The following PDE4A variants were observed in gnomAD, a reference collection of about 807,000 sequenced individuals.
PDE4A encodes 3',5'-cyclic-AMP phosphodiesterase 4A.
PDE4A carries 21 observed loss-of-function variants against 73.9 expected under a neutral mutation model. The observed-to-expected ratio is 0.28, with a 90% confidence interval of 0.20 to 0.41. PDE4A has a LOEUF of 0.41. PDE4A is among the 10% of genes least tolerant of loss of function. PDE4A has a pLI of 1.00. For missense variants in PDE4A, 958 were observed against 1,211.4 expected, an observed-to-expected ratio of 0.79 and a Z score of 3.10; for synonymous variants, 463 against 505.4, an observed-to-expected ratio of 0.92 and a Z score of 1.13.
At chr19:10,461,832 G>A (rs199805319) in intron 12 of PDE4A, 45 bp from the exon 13 acceptor site, 2 of 1,600,042 alleles carry the variant, frequency 1.2e-6, no homozygotes, top group Non-Finnish European at 1.7e-6. Context: ...GGGTCAGTCT[G>A]GGGGGCGGGT....
Position 10,450,823 on chromosome 19 carries a change from C to A in PDE4A, c.671-6C>A. On this transcript the variant is annotated splice_region_variant and splice_polypyrimidine_tract_variant and intron_variant, in intron 5 of 14. Transcript: ENST00000380702. ...TCAGTCACTACCCTGGCTGCCCCTT[C>A]CTTAGAAGAAACGTGTCAGCAGTTG... 6.2e-7 allele frequency: 1 copy of A among 1,604,694 alleles called. No individual in the cohort carries two copies. The highest frequency in any genetic ancestry group is 8.5e-7 in the Non-Finnish European group (1 of 1,175,806).
At position 10,461,566 on chromosome 19, in the gene PDE4A, C is replaced by T. The variant is rs757467012; in HGVS notation, c.1506C>T (p.Leu502=). 1 of 1,614,058 alleles carries T rather than the reference C, an allele frequency of 6.2e-7. No homozygotes were observed. Among genetic ancestry groups the T allele is most frequent in the East Asian group, 2.2e-5 (1 of 44,872 alleles). ...TCATGTACAACGATGAGTCGGTGCT[C>T]GAGAATCACCACCTGGCCGTGGGCT... ...LALMYNDESV[L]ENHHLAVGFK... is the part of the protein sequence containing the mutation. The change falls in exon 12 of 15, where the codon CTC becomes CTT. Residue 502 remains leucine (L), a synonymous_variant. Coordinates refer to ENST00000380702, the MANE Select transcript of PDE4A (RefSeq NM_001111307.2).
rs939875562 is a variant in PDE4A at position 10,421,387 on chromosome 19, C to T, written c.320+303C>T. 3.1e-6 allele frequency: 3 copies of T among 966,474 alleles called. No individual in the cohort carries two copies. The African/African-American group carries it at 5.3e-5, about 17-fold the overall frequency. 59.9% of individuals were successfully genotyped at this position (966,474 alleles called of 1,614,324 possible). A position where few individuals can be genotyped will look rare whatever the true frequency, so the allele number is the denominator to read the frequency against. On this transcript the variant is annotated intron_variant, in intron 1 of 14. Transcript: ENST00000380702. ...GGGGTCTGTATTCTTGGTGACAGTGCAGAACAGCTGCTAAGCTGGGAACCA... is the reference window on the plus strand; with the variant it reads ...GGGGTCTGTATTCTTGGTGACAGTGTAGAACAGCTGCTAAGCTGGGAACCA...
intron 5 of PDE4A, 61 bp from the exon 6 acceptor site, chr19:10,450,768 G>C (rs1185490167): frequency 9.5e-6 from 15 of 1,577,734 alleles, no homozygotes; most frequent in Non-Finnish European, 1.3e-5. Flanking sequence ...CGGCGGTCTG[G>C]AGCCTCTGGG....
intron 1 of PDE4A, chr19:10,432,717 C>T (rs1297521089): frequency 1.6e-5 from 11 of 698,730 alleles, no homozygotes; most frequent in Non-Finnish European, 2.3e-5. Context: ...TTTCCTGGCT[C>T]TAAAGGCCTG....
chr19:10,440,760 G>A (rs565326528), intron 1 of PDE4A, among the ~76,000 whole-genome samples: 3 of 152,074 alleles, frequency 2.0e-5, no homozygotes, highest in South Asian at 4.2e-4. Flanking sequence ...CACCACGCCC[G>A]GCTAATTTTT....
chr19:10,448,163 G>A (rs2043038662), intron 2 of PDE4A, among the ~76,000 whole-genome samples: 1 of 149,658 alleles, frequency 6.7e-6, no homozygotes, highest in Non-Finnish European at 1.5e-5. Context: ...GCAGTGGCGC[G>A]ATCTTGGCTC....
Position 10,420,937 on chromosome 19 carries a change from A to T in PDE4A, c.173A>T (p.Glu58Val). The T allele has an allele frequency of 6.4e-7, 1 of 1,570,148 alleles. No individual in the cohort carries two copies. The highest frequency in any genetic ancestry group is 1.1e-5 in the South Asian group (1 of 87,202). ...GACAGCGCGGAGCGCGCCGAGCGGG[A>T]GCGGCAGCCGCACCGGCCCATAGAG... ...YSDSAERAER[E>V]RQPHRPIERA... Residue 58 changes from glutamate to valine, a missense_variant, in exon 1 of 15, where the codon GAG (glutamate) becomes GTG (valine). By Grantham distance (121) the Glu-to-Val change is moderately radical. Coordinates refer to ENST00000380702, the MANE Select transcript of PDE4A (RefSeq NM_001111307.2). This position sits in a 1 kb window ranked among gnomAD's most constrained non-coding sequence, Gnocchi z 6.0.
At position 10,468,263 on chromosome 19, in the gene PDE4A, G is replaced by A. The variant is rs986810747; in HGVS notation, c.*642G>A. ...CCGCTTGATTTTGCACAATCCCGGCGATACTCCTGGCGATACTGACTAGAA... is the reference window on the plus strand; with the variant it reads ...CCGCTTGATTTTGCACAATCCCGGCAATACTCCTGGCGATACTGACTAGAA... On this transcript the variant is annotated 3_prime_UTR_variant, in exon 15 of 15. Transcript: ENST00000380702. 3 of 152,374 alleles carry A rather than the reference G, an allele frequency of 2.0e-5. No individual in the cohort carries two copies. Among genetic ancestry groups the A allele is most frequent in the Non-Finnish European group, 4.4e-5 (3 of 68,022 alleles). 9.4% of individuals were successfully genotyped at this position (152,374 alleles called of 1,614,324 possible). A position where few individuals can be genotyped will look rare whatever the true frequency, so the allele number is the denominator to read the frequency against.
At chr19:10,432,514 C>G in intron 1 of PDE4A, 1 of 1,524,812 alleles carries the variant, frequency 6.6e-7, no homozygotes, top group Middle Eastern at 1.7e-4. Flanking sequence ...GAGTCCCTGA[C>G]CCACTTCCCC....
intron 12 of PDE4A, 54 bp downstream of exon 12, chr19:10,461,734 CT>C: frequency 6.2e-7 from 1 of 1,602,854 alleles, no homozygotes; most frequent in Non-Finnish European, 8.5e-7. Flanking sequence ...GAGTCGAGGG[CT>C]TTGGGGAGGA....
chr19:10,463,807 G>C lies in PDE4A; in HGVS notation c.1758G>C (p.Met586Ile). 1 of 1,614,118 alleles carries C rather than the reference G, an allele frequency of 6.2e-7. No homozygotes were observed. The highest frequency in any genetic ancestry group is 8.5e-7 in the Non-Finnish European group (1 of 1,180,012). Residue 586 changes from methionine to isoleucine, a missense_variant, in exon 14 of 15, where the codon ATG (methionine) becomes ATC (isoleucine). Physicochemically the swap from Met to Ile is conservative, Grantham distance 10 (BLOSUM62 1). This residue lies in a region of PDE4A where 570 missense variants were observed against 827.7 expected (regional missense o/e 0.69). Coordinates refer to ENST00000380702, the MANE Select transcript of PDE4A (RefSeq NM_001111307.2). Reference sequence around the variant, plus strand: ...ACCCCATGCAGGTCCTCCGGAACATGGTGCACTGTGCCGACCTCAGCAACC... The same window carrying C: ...ACCCCATGCAGGTCCTCCGGAACATCGTGCACTGTGCCGACCTCAGCAACC... ...YSDRIQVLRN[M>I]VHCADLSNPT...
Position 10,446,272 on chromosome 19 carries a change from G to T in PDE4A, c.375G>T (p.Ser125=). 6.2e-7 allele frequency: 1 copy of T among 1,603,870 alleles called. No homozygotes were observed. Among genetic ancestry groups the T allele is most frequent in the Non-Finnish European group, 8.5e-7 (1 of 1,175,414 alleles). The change falls in exon 2 of 15, where the codon TCG becomes TCT. Residue 125 remains serine (S), a synonymous_variant. Coordinates refer to ENST00000380702, the MANE Select transcript of PDE4A (RefSeq NM_001111307.2). ...TPSPGRSPLD[S]QASPGLVLHA... ...CTCCTGGCCGCAGCCCCCTGGACTCGCAGGCGAGCCCAGGACTCGTGCTGC... is the reference window on the plus strand; with the variant it reads ...CTCCTGGCCGCAGCCCCCTGGACTCTCAGGCGAGCCCAGGACTCGTGCTGC...
intron 14 of PDE4A, among the ~76,000 whole-genome samples, chr19:10,465,822 T>G (rs1280430509): frequency 1.4e-5 from 2 of 144,200 alleles, no homozygotes; most frequent in African/African-American, 5.2e-5. Context: ...TGCCTCAGCC[T>G]CCTGAGTAGG....
Position 10,459,442 on chromosome 19 carries a change from G to T in PDE4A, c.1144G>T (p.Val382Leu). Residue 382 changes from valine to leucine, a missense_variant, in exon 9 of 15, where the codon GTG becomes TTG. Val to Leu is a conservative substitution (Grantham distance 32). Coordinates refer to ENST00000380702, the MANE Select transcript of PDE4A (RefSeq NM_001111307.2). ...LNKWGLNIFC[V>L]SDYAGGRSLT... is the part of the protein sequence containing the mutation. The stretch of plus-strand genomic sequence containing the variant: ...CAAGTGGGGCCTGAACATCTTTTGC[G>T]TGTCGGATTACGCTGGAGGCCGCTC... 6.2e-7 allele frequency: 1 copy of T among 1,614,188 alleles called. No homozygotes were observed. Among genetic ancestry groups the T allele is most frequent in the Non-Finnish European group, 8.5e-7 (1 of 1,180,042 alleles).
At chr19:10,425,524 C>T (rs548780687) in intron 1 of PDE4A, among the ~76,000 whole-genome samples, 1 of 152,180 alleles carries the variant, frequency 6.6e-6, no homozygotes. Flanking sequence ...AACCGCAAAC[C>T]CGGCTGGTGG....
chr19:10,416,806 C>G, upstream of PDE4A: 1 of 1,517,166 alleles, frequency 6.6e-7, no homozygotes, highest in East Asian at 2.5e-5. Context: ...AGGCAAGTGG[C>G]GGGGGCGGGT....
At position 10,450,663 on chromosome 19, in the gene PDE4A, C is replaced by T; in HGVS notation, c.670+11C>T. Reference sequence around the variant, plus strand: ...AGGCCACGCTGTCAGGTAGCTAAGCCCAGAGGGGTGGGAAGGGGCCCCCCT... The same window carrying T: ...AGGCCACGCTGTCAGGTAGCTAAGCTCAGAGGGGTGGGAAGGGGCCCCCCT... On this transcript the variant is annotated intron_variant, in intron 5 of 14. Coordinates refer to ENST00000380702, the MANE Select transcript of PDE4A (RefSeq NM_001111307.2). 1 of 1,607,110 alleles carries T rather than the reference C, an allele frequency of 6.2e-7. No homozygotes were observed. Among genetic ancestry groups the T allele is most frequent in the Non-Finnish European group, 8.5e-7 (1 of 1,177,504 alleles).
At chr19:10,461,712 A>C (rs1172188576) in intron 12 of PDE4A, 32 bp downstream of exon 12, 2 of 1,610,354 alleles carry the variant, frequency 1.2e-6, no homozygotes, top group South Asian at 1.1e-5. Context: ...CGGAGCGGGA[A>C]AGGAAGCCTA....
Sources: gnomAD v4.1 joint callset for allele counts (sites outside exome capture counted in the v4.1 genomes callset) on GRCh38, gnomAD v4.1.1 for gene constraint, gnomAD v4.1.1 regional missense constraint, Gnocchi (gnomAD v3.1) non-coding constraint, MANE v1.5 for transcripts, NCBI Gene and HGNC (gene_info 2026-07-23, HGNC 2026-07-21) for gene names.